Variants in COL24A1 observed in about 807,000 individuals in gnomAD.
COL24A1 encodes the protein collagen alpha-1(XXIV) chain.
Under a neutral mutation model 253.9 loss-of-function variants are expected in COL24A1, and 224 were observed. That is an observed-to-expected ratio of 0.88 (90% CI 0.79 to 0.99). The LOEUF is 0.99. Ranked by LOEUF, COL24A1 falls within the 50% of genes least tolerant of loss-of-function variation. COL24A1 has a pLI of 0.00. For synonymous variants in COL24A1, 685 were observed against 673.7 expected (o/e 1.02, Z -0.26); for missense variants, 2,131 against 2,068.5 (o/e 1.03, Z -0.59).
chr1:86,016,461 T>C (rs1697002265), intron 19 of COL24A1, among the ~76,000 whole-genome samples: 1 of 152,254 alleles, frequency 6.6e-6, no homozygotes, highest in African/African-American at 2.4e-5. Context: ...TGTACACTGA[T>C]ATGTGTGTGC....
chr1:85,788,224 G>A (rs1050252455), intron 47 of COL24A1, among the ~76,000 whole-genome samples: 1 of 151,150 alleles, frequency 6.6e-6, no homozygotes, highest in Non-Finnish European at 1.5e-5. Flanking sequence ...CTGAGTAGCT[G>A]GGACTACAGG....
intron 31 of COL24A1, among the ~76,000 whole-genome samples, chr1:85,891,283 A>T (rs543282290): frequency 2.4e-4 from 34 of 142,956 alleles, no homozygotes; most frequent in African/African-American, 8.7e-4. Context: ...CCAGGATGGT[A>T]TCAATCTCCT....
chr1:85,796,691 A>T (rs74787756), intron 47 of COL24A1, among the ~76,000 whole-genome samples: 2,460 of 152,254 alleles, frequency 0.016, 45 homozygotes, highest in Middle Eastern at 0.034. Flanking sequence ...AAGCTTAACC[A>T]TTTATATTTA....
Position 85,784,109 on chromosome 1 carries a change from A to G in COL24A1, c.4221+4T>C, listed in dbSNP as rs1287491108. 1.2e-6 allele frequency: 2 copies of G among 1,610,196 alleles called. No individual in the cohort carries two copies. Among genetic ancestry groups the G allele is most frequent in the Non-Finnish European group, 8.5e-7 (1 of 1,177,084 alleles). ...GAAGACTAGAAGAAAGTATGTAAAC[A>G]TACTTTAGGGCCTGGGAATCCTTGG... On this transcript the variant is annotated splice_donor_region_variant and intron_variant, in intron 50 of 59. Transcript: ENST00000370571.
chr1:86,055,320 C>G (rs992047782), intron 10 of COL24A1, among the ~76,000 whole-genome samples: 3 of 152,278 alleles, frequency 2.0e-5, no homozygotes, highest in South Asian at 4.1e-4. Flanking sequence ...ATTTGAGACC[C>G]TTTATGAATG....
At chr1:85,993,511 C>T (rs1050474520) in intron 19 of COL24A1, among the ~76,000 whole-genome samples, 2 of 150,294 alleles carry the variant, frequency 1.3e-5, no homozygotes, top group South Asian at 2.1e-4. Flanking sequence ...CAATTAATCT[C>T]GAGTGACAAA....
At chr1:85,923,036 C>T (rs1686716146) in intron 24 of COL24A1, among the ~76,000 whole-genome samples, 1 of 151,932 alleles carries the variant, frequency 6.6e-6, no homozygotes, top group African/African-American at 2.4e-5. Flanking sequence ...TCTGATGAAA[C>T]AGACTTTAAA....
At chr1:85,747,047 A>G (rs961108628) in intron 55 of COL24A1, among the ~76,000 whole-genome samples, 1 of 151,668 alleles carries the variant, frequency 6.6e-6, no homozygotes. Context: ...CTTTTAATAA[A>G]GGATTCCTTT....
intron 47 of COL24A1, among the ~76,000 whole-genome samples, chr1:85,802,896 T>C (rs1423186758): frequency 6.6e-6 from 1 of 152,234 alleles, no homozygotes; most frequent in Non-Finnish European, 1.5e-5. Flanking sequence ...GAAGCATGTA[T>C]ATAATTCTTT....
intron 37 of COL24A1, among the ~76,000 whole-genome samples, chr1:85,858,984 C>T (rs1353316041): frequency 3.3e-5 from 5 of 151,962 alleles, no homozygotes; most frequent in East Asian, 1.9e-4. Flanking sequence ...GTGGTCCTCC[C>T]GTCTCAGCCT....
chr1:86,083,960 A>C (rs1403973460), intron 7 of COL24A1, among the ~76,000 whole-genome samples: 2 of 152,240 alleles, frequency 1.3e-5, no homozygotes, highest in Non-Finnish European at 2.9e-5. Flanking sequence ...CTAAAAGCCA[A>C]CATTAAATTT....
At chr1:86,070,770 T>C (rs1370061984) in intron 7 of COL24A1, among the ~76,000 whole-genome samples, 2 of 152,006 alleles carry the variant, frequency 1.3e-5, no homozygotes, top group Admixed American at 1.3e-4. Flanking sequence ...GAAATAGACT[T>C]TCCTAGACAA....
At chr1:85,956,171 CT>C (rs1318021851) in intron 24 of COL24A1, among the ~76,000 whole-genome samples, 1 of 152,088 alleles carries the variant, frequency 6.6e-6, no homozygotes, top group Non-Finnish European at 1.5e-5. Flanking sequence ...TTTCAGTTTC[CT>C]CATTTATAGA....
intron 14 of COL24A1, 81 bp from the exon 15 acceptor site, chr1:86,023,088 T>G: frequency 1.4e-6 from 2 of 1,380,052 alleles, no homozygotes; most frequent in African/African-American, 2.9e-5. Context: ...AATAAATTAA[T>G]GAACCCAAAA....
intron 52 of COL24A1, among the ~76,000 whole-genome samples, chr1:85,776,571 T>C (rs968933188): frequency 2.6e-5 from 4 of 152,034 alleles, no homozygotes; most frequent in African/African-American, 9.6e-5. Context: ...CTCTTCCATG[T>C]CAATATACAT....
chr1:85,937,547 T>C (rs1307935962), intron 24 of COL24A1, among the ~76,000 whole-genome samples: 2 of 147,642 alleles, frequency 1.4e-5, no homozygotes, highest in South Asian at 4.8e-4. Flanking sequence ...CTCAGAAAGC[T>C]GACATCAGCA....
intron 19 of COL24A1, among the ~76,000 whole-genome samples, chr1:85,995,545 A>G (rs1694703392): frequency 6.6e-6 from 1 of 152,218 alleles, no homozygotes; most frequent in Non-Finnish European, 1.5e-5. Context: ...GATAATCCAT[A>G]GTGACAAAAA....
intron 7 of COL24A1, among the ~76,000 whole-genome samples, chr1:86,071,236 AC>A (rs780344252): frequency 4.6e-5 from 7 of 152,178 alleles, no homozygotes; most frequent in Non-Finnish European, 1.0e-4. Context: ...AACCAAAAAA[AC>A]ATACAACAGA....
chr1:85,881,688 T>C (rs1400698977), intron 32 of COL24A1, among the ~76,000 whole-genome samples: 1 of 152,184 alleles, frequency 6.6e-6, no homozygotes, highest in Non-Finnish European at 1.5e-5. Context: ...GTCATTTTAA[T>C]GTTAATGAGA....
Sources: allele counts gnomAD v4.1 joint callset (sites outside exome capture counted in the v4.1 genomes callset), GRCh38; gene constraint gnomAD v4.1.1; transcripts MANE v1.5; gene names NCBI Gene and HGNC (gene_info 2026-07-23, HGNC 2026-07-21).